Variants in RUNX1 observed in about 807,000 individuals in gnomAD.
The protein encoded by RUNX1 is runt-related transcription factor 1.
RUNX1 carries 19 observed loss-of-function variants against 42.8 expected under a neutral mutation model. That is an observed-to-expected ratio of 0.44 (90% confidence interval 0.31 to 0.65). The LOEUF (loss-of-function observed/expected upper bound fraction) is 0.65. Ranked by LOEUF, RUNX1 falls within the 30% of genes least tolerant of loss-of-function variation. RUNX1 has a pLI of 0.07. For missense variants in RUNX1, 528 were observed against 672.0 expected (o/e 0.79, Z 2.37); for synonymous variants, 271 against 289.4 (o/e 0.94, Z 0.64).
At chr21:35,000,507 T>C (rs1298708866) in intron 2 of RUNX1, among the ~76,000 whole-genome samples, 1 of 152,182 alleles carries the variant, frequency 6.6e-6, no homozygotes, top group Admixed American at 6.5e-5. Context: ...CCCAAAGTGC[T>C]GGGATTACAG....
chr21:34,815,635 G>A (rs1281296208), intron 7 of RUNX1, among the ~76,000 whole-genome samples: 1 of 152,174 alleles, frequency 6.6e-6, no homozygotes, highest in Non-Finnish European at 1.5e-5. Flanking sequence ...AGGCCACACA[G>A]GGGCACATCT....
intron 2 of RUNX1, among the ~76,000 whole-genome samples, chr21:34,968,154 T>C (rs1219330727): frequency 6.6e-6 from 1 of 152,176 alleles, no homozygotes; most frequent in Non-Finnish European, 1.5e-5. Flanking sequence ...TCCATCTGTG[T>C]GTCTATGTCT....
intron 2 of RUNX1, among the ~76,000 whole-genome samples, chr21:35,012,019 T>C (rs2059129734): frequency 6.6e-6 from 1 of 152,222 alleles, no homozygotes. Flanking sequence ...TGGCAGGTGC[T>C]ACAGGATTAA....
chr21:35,023,496 G>A (rs995305349), intron 2 of RUNX1, among the ~76,000 whole-genome samples: 7 of 152,206 alleles, frequency 4.6e-5, no homozygotes, highest in South Asian at 4.1e-4. Flanking sequence ...GCTCATGGCA[G>A]GGGGCTGGAC....
intron 2 of RUNX1, among the ~76,000 whole-genome samples, chr21:35,038,075 C>T (rs2059322929): frequency 2.6e-5 from 4 of 152,116 alleles, no homozygotes; most frequent in Admixed American, 2.0e-4. Flanking sequence ...CTCTGCGTGT[C>T]CATTGCTTTA....
intron 2 of RUNX1, among the ~76,000 whole-genome samples, chr21:34,983,807 T>C (rs1005723872): frequency 3.3e-5 from 5 of 152,102 alleles, no homozygotes; most frequent in Admixed American, 1.3e-4. Flanking sequence ...CTTGCAGAAA[T>C]AGCAGAGTGG....
chr21:34,856,252 T>C, intron 6 of RUNX1: 1 of 452,136 alleles, frequency 2.2e-6, no homozygotes, highest in Non-Finnish European at 4.5e-6. Flanking sequence ...AGTTTGTCCC[T>C]CCAAATGCCA....
chr21:34,974,874 G>A lies in RUNX1; in HGVS notation c.58+73968C>T, dbSNP rs558904265. ...AACATTTTAAGTAACAGACTGTGAC[G>A]TTATAATGGCATGAATTTATTTAAT... On this transcript the variant is annotated intron_variant, in intron 2 of 8. Coordinates refer to ENST00000675419, the MANE Select transcript of RUNX1 (RefSeq NM_001754.5). 7.9e-5 allele frequency among the ~76,000 whole-genome samples: 12 copies of A among 152,328 alleles called. No homozygotes were observed. In the East Asian group the frequency reaches 2.1e-3, roughly 27 times the overall value.
intron 5 of RUNX1, among the ~76,000 whole-genome samples, chr21:34,867,623 A>G (rs1031550372): frequency 2.6e-5 from 4 of 152,210 alleles, no homozygotes; most frequent in South Asian, 2.1e-4. Context: ...ATTTGGCAGA[A>G]TATCACCTAT....
At chr21:34,840,434 C>T (rs1028600651) in intron 6 of RUNX1, among the ~76,000 whole-genome samples, 2 of 152,156 alleles carry the variant, frequency 1.3e-5, no homozygotes, top group South Asian at 2.1e-4. Flanking sequence ...ACTGAGGCTC[C>T]GTATCTGGAA....
rs116110731 is a variant in RUNX1, at chr21:34,862,195, A to T, written c.509-2617T>A. Among the ~76,000 whole-genome samples, 592 of 151,872 alleles carry T rather than the reference A, an allele frequency of 3.9e-3. 2 individuals are homozygous for T. The highest frequency in any genetic ancestry group is 0.014 in the Middle Eastern group (4 of 294). On this transcript the variant is annotated intron_variant, in intron 5 of 8. Transcript: ENST00000675419. ...TTGGGGATGCAATACAAACGATTTT[A>T]CCTCTCCAGATCTCAGTTTCCTCAT...
chr21:34,797,243 T>G (rs1476613848), intron 8 of RUNX1, among the ~76,000 whole-genome samples: 3 of 152,182 alleles, frequency 2.0e-5, no homozygotes, highest in African/African-American at 7.2e-5. Flanking sequence ...GGTTCTGAAA[T>G]GAGGCATGGT....
At chr21:34,831,311 C>A (rs2057060313) in intron 7 of RUNX1, among the ~76,000 whole-genome samples, 1 of 152,074 alleles carries the variant, frequency 6.6e-6, no homozygotes, top group Non-Finnish European at 1.5e-5. Context: ...GTTAAGACCC[C>A]AACAAATAAA....
At chr21:35,031,984 G>A (rs2059276505) in intron 2 of RUNX1, among the ~76,000 whole-genome samples, 1 of 152,226 alleles carries the variant, frequency 6.6e-6, no homozygotes, top group South Asian at 2.1e-4. Flanking sequence ...CTTAGATGTG[G>A]ATGTGGCTAT....
chr21:34,856,450 A>G (rs778410043), intron 6 of RUNX1: 6 of 518,900 alleles, frequency 1.2e-5, no homozygotes, highest in South Asian at 2.8e-5. Context: ...CAAAGAGTCT[A>G]TAAGAAAGAA....
chr21:35,039,916 C>A (rs939404557), intron 2 of RUNX1, among the ~76,000 whole-genome samples: 2 of 152,134 alleles, frequency 1.3e-5, no homozygotes, highest in Non-Finnish European at 2.9e-5. Flanking sequence ...AAACTAGAAG[C>A]CTGAGTTTCT....
chr21:34,948,703 T>C (rs928768721), intron 2 of RUNX1, among the ~76,000 whole-genome samples: 3 of 152,206 alleles, frequency 2.0e-5, no homozygotes, highest in African/African-American at 7.2e-5. Flanking sequence ...ACAGCCCATC[T>C]CCAGGGTGCC....
intron 2 of RUNX1, among the ~76,000 whole-genome samples, chr21:34,982,026 C>T (rs1018332705): frequency 1.3e-5 from 2 of 152,296 alleles, no homozygotes; most frequent in African/African-American, 2.4e-5. Flanking sequence ...AATGCCAGTT[C>T]GCTGGGCACA....
At chr21:34,854,558 A>G (rs992709090) in intron 6 of RUNX1, among the ~76,000 whole-genome samples, 1 of 151,476 alleles carries the variant, frequency 6.6e-6, no homozygotes, top group Admixed American at 6.6e-5. Flanking sequence ...GCACTCCAGC[A>G]TGGGCAACAG....
Sources: gnomAD v4.1 joint callset for allele counts (sites outside exome capture counted in the v4.1 genomes callset) on GRCh38, gnomAD v4.1.1 for gene constraint, MANE v1.5 for transcripts, NCBI Gene and HGNC (gene_info 2026-07-23, HGNC 2026-07-21) for gene names.